POU6F2: variants seen among roughly 807,000 people sequenced by gnomAD.
POU6F2 encodes the protein POU domain, class 6, transcription factor 2.
A neutral mutation model predicts 71.3 loss-of-function variants in POU6F2; 31 were observed. That is an observed-to-expected ratio of 0.43 (90% CI 0.33 to 0.59). The LOEUF is 0.59. Among genes scored for constraint, POU6F2 ranks in the 20% least tolerant of loss-of-function variants. The probability of loss-of-function intolerance (pLI) is 0.04; values close to 1 mark genes in which losing one functional copy is unlikely to be tolerated. For missense variants in POU6F2, 783 were observed against 856.8 expected (o/e 0.91, Z 1.07); for synonymous variants, 347 against 355.7 (o/e 0.98, Z 0.27).
chr7:39,463,600 AAG>A (rs1393509747), intron 9 of POU6F2, among the ~76,000 whole-genome samples: 1 of 152,192 alleles, frequency 6.6e-6, no homozygotes, highest in East Asian at 1.9e-4. Flanking sequence ...GGGAGAGAAA[AAG>A]AGAGAGAAGT....
chr7:39,103,286 T>C (rs924375255), intron 2 of POU6F2, among the ~76,000 whole-genome samples: 2 of 152,180 alleles, frequency 1.3e-5, no homozygotes, highest in Admixed American at 1.3e-4. Context: ...AGCTCATGAC[T>C]TTGTTGGTAG....
chr7:39,463,172 C>CT (rs1788987242), intron 9 of POU6F2, among the ~76,000 whole-genome samples: 1 of 152,166 alleles, frequency 6.6e-6, no homozygotes, highest in Non-Finnish European at 1.5e-5. Context: ...GGAATTCCTA[C>CT]TTTTTTTGTA....
chr7:39,079,396 C>T (rs1356373204), intron 1 of POU6F2, among the ~76,000 whole-genome samples: 2 of 151,940 alleles, frequency 1.3e-5, no homozygotes, highest in East Asian at 3.9e-4. Flanking sequence ...CCAGACTGGT[C>T]TCGCAGTCCT....
At chr7:39,255,033 A>C (rs1008121579) in intron 4 of POU6F2, among the ~76,000 whole-genome samples, 3 of 152,222 alleles carry the variant, frequency 2.0e-5, no homozygotes, top group Non-Finnish European at 4.4e-5. Context: ...TTGAGTGTGA[A>C]TATCCTTTTA....
At chr7:39,391,830 T>C (rs2115836304) in intron 5 of POU6F2, among the ~76,000 whole-genome samples, 1 of 152,310 alleles carries the variant, frequency 6.6e-6, no homozygotes, top group South Asian at 2.1e-4. Flanking sequence ...TAACTAGTTG[T>C]TATTTAAAAT....
At chr7:39,168,358 G>A (rs1793154105) in intron 2 of POU6F2, among the ~76,000 whole-genome samples, 1 of 152,094 alleles carries the variant, frequency 6.6e-6, no homozygotes, top group Admixed American at 6.6e-5. Context: ...ACTTGTCTAA[G>A]GTCTCTAATT....
chr7:39,374,406 C>T (rs1305841716), intron 5 of POU6F2, among the ~76,000 whole-genome samples: 1 of 152,168 alleles, frequency 6.6e-6, no homozygotes, highest in Non-Finnish European at 1.5e-5. Flanking sequence ...TTGGGTTCGC[C>T]TTTTCTTGAA....
At chr7:39,254,623 A>G (rs900394847) in intron 4 of POU6F2, among the ~76,000 whole-genome samples, 10 of 152,146 alleles carry the variant, frequency 6.6e-5, no homozygotes, top group Admixed American at 3.3e-4. Context: ...AGCAAACTGT[A>G]GGACTCTGAC....
At chr7:39,076,971 T>A (rs543787381) in intron 1 of POU6F2, among the ~76,000 whole-genome samples, 1 of 152,354 alleles carries the variant, frequency 6.6e-6, no homozygotes, top group East Asian at 1.9e-4. Flanking sequence ...TCAGATGTTC[T>A]CTCTTTGTAA....
intron 6 of POU6F2, among the ~76,000 whole-genome samples, chr7:39,416,332 G>A (rs1787674372): frequency 6.6e-6 from 1 of 152,148 alleles, no homozygotes; most frequent in South Asian, 2.1e-4. Context: ...GCCTTAAGGT[G>A]TCCATAGGTG....
chr7:39,008,535 C>G (rs1355247769), intron 1 of POU6F2, among the ~76,000 whole-genome samples: 25 of 150,994 alleles, frequency 1.7e-4, no homozygotes, highest in Middle Eastern at 3.4e-3. Flanking sequence ...AATTAGATCC[C>G]ATTTGTCAAT....
At position 39,095,815 on chromosome 7, in the gene POU6F2, T is replaced by A. The variant is rs573306282; in HGVS notation, c.277+9784T>A. On this transcript the variant is annotated intron_variant, in intron 2 of 9. Coordinates refer to ENST00000518318, the MANE Select transcript of POU6F2 (RefSeq NM_001370959.1). ...GGGGTACCCAAAGTGGCAGCAAAAA[T>A]TAAAACGTGCCGAAGATTCTTAGAT... Among the ~76,000 whole-genome samples, 10 of 152,206 alleles carry A rather than the reference T, an allele frequency of 6.6e-5. No individual in the cohort carries two copies. In the South Asian group the frequency reaches 1.2e-3, roughly 19 times the overall value.
At chr7:39,179,351 G>C (rs1793390243) in intron 2 of POU6F2, among the ~76,000 whole-genome samples, 1 of 152,180 alleles carries the variant, frequency 6.6e-6, no homozygotes, top group Non-Finnish European at 1.5e-5. Flanking sequence ...CCAGGGCCTT[G>C]CTTTTGTTGT....
chr7:39,257,004 C>G (rs1429805425), intron 4 of POU6F2, among the ~76,000 whole-genome samples: 1 of 152,142 alleles, frequency 6.6e-6, no homozygotes, highest in African/African-American at 2.4e-5. Context: ...GCATAGGAGT[C>G]TATTATTAAC....
At chr7:39,393,656 T>C in intron 5 of POU6F2, among the ~76,000 whole-genome samples, 1 of 152,228 alleles carries the variant, frequency 6.6e-6, no homozygotes, top group East Asian at 1.9e-4. Flanking sequence ...ATATATCGTA[T>C]GGCCCAAATG....
At chr7:39,443,274 C>A (rs1788449233) in intron 7 of POU6F2, among the ~76,000 whole-genome samples, 1 of 152,332 alleles carries the variant, frequency 6.6e-6, no homozygotes, top group South Asian at 2.1e-4. Context: ...ACACCCCAAT[C>A]AACATGTCAG....
intron 1 of POU6F2, among the ~76,000 whole-genome samples, chr7:39,079,480 T>C (rs529455693): frequency 1.3e-5 from 2 of 152,138 alleles, no homozygotes; most frequent in South Asian, 4.2e-4. Flanking sequence ...CCCGGCCAAG[T>C]CTCACAATAT....
At chr7:39,012,596 C>T (rs919237659) in intron 1 of POU6F2, among the ~76,000 whole-genome samples, 23 of 152,040 alleles carry the variant, frequency 1.5e-4, no homozygotes, top group Non-Finnish European at 1.5e-4. Flanking sequence ...GGAGGAGAGG[C>T]GCTCTGCATT....
intron 4 of POU6F2, among the ~76,000 whole-genome samples, chr7:39,264,024 G>A (rs1207463160): frequency 1.3e-5 from 2 of 152,198 alleles, no homozygotes; most frequent in African/African-American, 2.4e-5. Context: ...TGGCAGGAAG[G>A]ACTGGCATTA....
Sources: allele counts gnomAD v4.1 joint callset (sites outside exome capture counted in the v4.1 genomes callset), GRCh38; gene constraint gnomAD v4.1.1; transcripts MANE v1.5; gene names NCBI Gene and HGNC (gene_info 2026-07-23, HGNC 2026-07-21).